DLG2: variants seen among roughly 807,000 people sequenced by gnomAD.
DLG2 encodes the protein disks large homolog 2.
In DLG2, 45 loss-of-function variants were observed where a neutral mutation model predicts 132.5. The observed-to-expected ratio is 0.34, with a 90% CI of 0.27 to 0.44. The LOEUF is 0.44. Ranked by LOEUF, DLG2 falls within the 20% of genes least tolerant of loss-of-function variation. The pLI is 1.00. For synonymous variants in DLG2, 424 were observed against 419.6 expected (o/e 1.01, Z -0.13); for missense variants, 1,045 against 1,196.9 (o/e 0.87, Z 1.87).
At chr11:84,075,091 G>C (rs1211250928) in intron 10 of DLG2, among the ~76,000 whole-genome samples, 1 of 152,034 alleles carries the variant, frequency 6.6e-6, no homozygotes, top group African/African-American at 2.4e-5. Context: ...AGCTTTGAAA[G>C]TCTTTTCCCT....
chr11:84,733,845 T>TGGA (rs1304016245), intron 6 of DLG2, among the ~76,000 whole-genome samples: 2 of 152,228 alleles, frequency 1.3e-5, no homozygotes, highest in African/African-American at 4.8e-5. Context: ...CAGTTTCAGC[T>TGGA]TTCTACATAT....
chr11:83,814,770 C>G, intron 17 of DLG2: 1 of 205,206 alleles, frequency 4.9e-6, no homozygotes. Context: ...ACATTTTCCC[C>G]CTTGCTCTAG....
chr11:84,408,324 C>T (rs1419565607), intron 7 of DLG2, among the ~76,000 whole-genome samples: 1 of 142,048 alleles, frequency 7.0e-6, no homozygotes, highest in African/African-American at 3.0e-5. Flanking sequence ...AGTGAAATGA[C>T]AACTTGCACA....
intron 18 of DLG2, among the ~76,000 whole-genome samples, chr11:83,668,776 CAT>C (rs1483339591): frequency 7.2e-5 from 9 of 125,300 alleles, no homozygotes; most frequent in East Asian, 2.1e-4. Context: ...TATAAACACA[CAT>C]ATATATGTGT....
In DLG2 at chr11:85,248,435, A is replaced by G. The variant is rs892833203; in HGVS notation, c.186+36785T>C. On this transcript the variant is annotated intron_variant, in intron 4 of 27. Transcript: ENST00000376104. ...TTTTTTTTAATTAAAGATTTTTTTT[A>G]CCTTTTAAAAATTTAGAAGATTCAA... 2.0e-5 allele frequency among the ~76,000 whole-genome samples: 3 copies of G among 151,948 alleles called. No homozygotes were observed. The South Asian group carries it at 6.2e-4, about 32-fold the overall frequency.
Position 85,512,763 on chromosome 11 carries a change from C to T in DLG2, c.40+85894G>A, listed in dbSNP as rs117516718. On this transcript the variant is annotated intron_variant, in intron 3 of 27. Transcript: ENST00000376104. ...TGGTGGGAATGTAAATTAGTTTAGT[C>T]CCTTGGAAAGCAGTGTGGAGATTTC... Among the ~76,000 whole-genome samples, 834 of 152,112 alleles carry T rather than the reference C, an allele frequency of 5.5e-3. 4 individuals are homozygous for T. The highest frequency in any genetic ancestry group is 0.014 in the Middle Eastern group (4 of 294).
chr11:84,595,620 A>G (rs781520388), intron 6 of DLG2, among the ~76,000 whole-genome samples: 13 of 152,144 alleles, frequency 8.5e-5, no homozygotes, highest in Non-Finnish European at 1.8e-4. Context: ...TGCGGAGAAA[A>G]CACAATCTTG....
At chr11:84,536,316 C>A (rs1399724749) in intron 6 of DLG2, among the ~76,000 whole-genome samples, 1 of 152,066 alleles carries the variant, frequency 6.6e-6, no homozygotes, top group Non-Finnish European at 1.5e-5. Context: ...CTATCCAGAT[C>A]ATTGCAGTCT....
chr11:84,094,931 GT>G (rs931571532), intron 10 of DLG2, among the ~76,000 whole-genome samples: 4 of 151,780 alleles, frequency 2.6e-5, no homozygotes, highest in African/African-American at 9.7e-5. Flanking sequence ...ATTTATAGGG[GT>G]TTTTTTTAAG....
chr11:84,175,808 T>C (rs979206445), intron 8 of DLG2, among the ~76,000 whole-genome samples: 1 of 152,100 alleles, frequency 6.6e-6, no homozygotes, highest in Non-Finnish European at 1.5e-5. Context: ...ATAAAGGTCA[T>C]ACCAGTATTT....
At chr11:83,563,643 C>T (rs1039451530) in intron 19 of DLG2, among the ~76,000 whole-genome samples, 4 of 152,156 alleles carry the variant, frequency 2.6e-5, no homozygotes, top group African/African-American at 9.7e-5. Context: ...CAGGCATTAT[C>T]TCGAGTTCTC....
At chr11:84,772,936 A>G (rs1234091220) in intron 6 of DLG2, among the ~76,000 whole-genome samples, 1 of 152,136 alleles carries the variant, frequency 6.6e-6, no homozygotes, top group Admixed American at 6.5e-5. Flanking sequence ...GAAAAAAATA[A>G]CTAAAGATCA....
chr11:84,549,817 A>C (rs1436333994), intron 6 of DLG2, among the ~76,000 whole-genome samples: 2 of 151,914 alleles, frequency 1.3e-5, no homozygotes, highest in Non-Finnish European at 2.9e-5. Context: ...GCAGTGGCGC[A>C]ATCTCAGCTC....
intron 6 of DLG2, among the ~76,000 whole-genome samples, chr11:84,643,150 A>G (rs1462761428): frequency 6.6e-6 from 1 of 152,210 alleles, no homozygotes; most frequent in Admixed American, 6.5e-5. Flanking sequence ...CTGGGTATAC[A>G]GTAGGCACTT....
intron 19 of DLG2, among the ~76,000 whole-genome samples, chr11:83,582,745 T>C (rs1353658694): frequency 6.6e-6 from 1 of 152,212 alleles, no homozygotes; most frequent in East Asian, 1.9e-4. Flanking sequence ...AGATAAGTAG[T>C]AACAGGAAGC....
chr11:84,590,195 G>A (rs542392946), intron 6 of DLG2, among the ~76,000 whole-genome samples: 2 of 152,290 alleles, frequency 1.3e-5, no homozygotes, highest in South Asian at 2.1e-4. Flanking sequence ...TAATTAGTGT[G>A]TAATGAACAG....
intron 6 of DLG2, chr11:85,021,591 C>A (rs1339499653): frequency 1.7e-5 from 26 of 1,525,620 alleles, no homozygotes; most frequent in Non-Finnish European, 2.2e-5. Context: ...TGTTGAGATT[C>A]CCAGTGAACA....
intron 3 of DLG2, among the ~76,000 whole-genome samples, chr11:85,447,737 G>T (rs964240584): frequency 1.3e-5 from 2 of 151,818 alleles, no homozygotes; most frequent in African/African-American, 4.8e-5. Context: ...AAAATTTGAA[G>T]CTTAAAATTT....
At chr11:85,038,559 G>C (rs1026761139) in intron 6 of DLG2, among the ~76,000 whole-genome samples, 3 of 151,912 alleles carry the variant, frequency 2.0e-5, no homozygotes, top group Admixed American at 6.6e-5. Context: ...TCCACTTATG[G>C]ATCATTCTTG....
Sources: gnomAD v4.1 joint callset for allele counts (sites outside exome capture counted in the v4.1 genomes callset) on GRCh38, gnomAD v4.1.1 for gene constraint, MANE v1.5 for transcripts, NCBI Gene and HGNC (gene_info 2026-07-23, HGNC 2026-07-21) for gene names.